The following SERINC3 variants were observed in gnomAD, a reference collection of about 807,000 sequenced individuals.
SERINC3 encodes the protein tumor differentially expressed protein 1.
A neutral mutation model predicts 52.1 loss-of-function variants in SERINC3; 22 were observed. The observed-to-expected ratio is 0.42, with a 90% CI of 0.30 to 0.60. The LOEUF is 0.60. SERINC3 is among the 20% of genes least tolerant of loss of function. The pLI is 0.16. For synonymous variants in SERINC3, 226 were observed against 212.7 expected (o/e 1.06, Z -0.54); for missense variants, 564 against 584.6 (o/e 0.96, Z 0.36).
At chr20:44,520,675 C>T (rs969789024) in intron 1 of SERINC3, among the ~76,000 whole-genome samples, 2 of 152,056 alleles carry the variant, frequency 1.3e-5, no homozygotes, top group Non-Finnish European at 2.9e-5. Context: ...GTTTGGGCAA[C>T]GGAATCATTA....
chr20:44,511,126 T>C (rs962781013), intron 4 of SERINC3, among the ~76,000 whole-genome samples, 163 bp downstream of exon 4: 1 of 151,972 alleles, frequency 6.6e-6, no homozygotes, highest in African/African-American at 2.4e-5. Context: ...ATTGGCCAGG[T>C]TGGTCTCAAA....
chr20:44,514,368 T>C (rs2064366959), intron 1 of SERINC3, among the ~76,000 whole-genome samples: 1 of 152,238 alleles, frequency 6.6e-6, no homozygotes. Context: ...GTTAATTATA[T>C]TCTGAGAGCA....
Position 44,512,853 on chromosome 20 carries a change from G to A in SERINC3, c.343C>T (p.Leu115Phe), listed in dbSNP as rs1344178939. ...MAIFFFVFSLLMFKVKTSKDL... is the reference protein window; with the variant it reads ...MAIFFFVFSLFMFKVKTSKDL... ...TTACTTGTTTTTACTTTGAACATGAGCAGAGAAAAGACAAAGAAAAAGATG... is the reference window on the plus strand; with the variant it reads ...TTACTTGTTTTTACTTTGAACATGAACAGAGAAAAGACAAAGAAAAAGATG... The change falls in exon 3 of 10, where the codon CTC becomes TTC. Residue 115 changes from leucine to phenylalanine, a missense_variant. Physicochemically the swap from Leu to Phe is conservative, Grantham distance 22. Coordinates refer to ENST00000342374, the MANE Select transcript of SERINC3 (RefSeq NM_006811.4). 5 of 1,577,634 alleles carry A rather than the reference G, an allele frequency of 3.2e-6. No homozygotes were observed. Among genetic ancestry groups the A allele is most frequent in the Non-Finnish European group, 4.3e-6 (5 of 1,168,264 alleles).
intron 8 of SERINC3, among the ~76,000 whole-genome samples, chr20:44,503,450 C>T (rs1216783803): frequency 6.6e-6 from 1 of 152,224 alleles, no homozygotes; most frequent in Non-Finnish European, 1.5e-5. Context: ...GAGTTCGAGA[C>T]CAGCCTAGCC....
chr20:44,506,383 A>T (rs1344310891), intron 6 of SERINC3, among the ~76,000 whole-genome samples: 1 of 151,502 alleles, frequency 6.6e-6, no homozygotes, highest in East Asian at 1.9e-4. Context: ...CACGAGGTCA[A>T]GAGTTCAGCC....
At chr20:44,507,274 A>G (rs1245643759) in intron 5 of SERINC3, among the ~76,000 whole-genome samples, 3 of 152,216 alleles carry the variant, frequency 2.0e-5, no homozygotes, top group East Asian at 3.8e-4. Flanking sequence ...TTCCAGCTAG[A>G]GTTTACTGCT....
At position 44,519,705 on chromosome 20, in the gene SERINC3, G is replaced by C. The variant is rs138216563; in HGVS notation, c.39+2208C>G. Among the ~76,000 whole-genome samples, 416 of 151,996 alleles carry C rather than the reference G, an allele frequency of 2.7e-3. 3 individuals carry two copies. Among genetic ancestry groups the C allele is most frequent in the African/African-American group, 9.5e-3 (392 of 41,448 alleles). On this transcript the variant is annotated intron_variant, in intron 1 of 9. Coordinates refer to ENST00000342374, the MANE Select transcript of SERINC3 (RefSeq NM_006811.4). ...GAAGGCTGAGGTGGGAGGATCACTT[G>C]AATCCAGGAGTTCAAGGCTGCAGTG...
At chr20:44,520,626 T>C (rs569995372) in intron 1 of SERINC3, among the ~76,000 whole-genome samples, 116 of 152,228 alleles carry the variant, frequency 7.6e-4, no homozygotes, top group Non-Finnish European at 1.3e-3. Flanking sequence ...GGTGGGGGGA[T>C]AGGGGTTGAA....
At position 44,512,088 on chromosome 20, in the gene SERINC3, G is replaced by A. The variant is rs1234979030; in HGVS notation, c.395+713C>T. 5.9e-5 allele frequency among the ~76,000 whole-genome samples: 9 copies of A among 152,244 alleles called. No homozygotes were observed. In the South Asian group the frequency reaches 8.3e-4, roughly 14 times the overall value. ...AGCACTTCAGGAGGCAAAGGCGGGC[G>A]GACCACCTGAGGTCACGAGTTCTAG... is the stretch of plus-strand genomic sequence containing the variant. On this transcript the variant is annotated intron_variant, in intron 3 of 9. Coordinates refer to ENST00000342374, the MANE Select transcript of SERINC3 (RefSeq NM_006811.4).
In SERINC3 at chr20:44,503,877, A is replaced by G; in HGVS notation, c.993T>C (p.Ser331=). 6.3e-7 allele frequency: 1 copy of G among 1,599,836 alleles called. No individual in the cohort carries two copies. Among genetic ancestry groups the G allele is most frequent in the Non-Finnish European group, 8.5e-7 (1 of 1,175,208 alleles). Residue 331 remains serine (S), a synonymous_variant, in exon 8 of 10, where the codon TCT becomes TCC. Transcript: ENST00000342374. ...CAATAAAATTATCTGAATCCAGTAA[A>G]GACCCACTCTTTGATGGTGGAGTAG... is the stretch of plus-strand genomic sequence containing the variant. ...PTPTPPSKSG[S]LLDSDNFIGL... is the part of the protein sequence containing the mutation.
At chr20:44,503,177 C>G (rs1379071883) in intron 8 of SERINC3, among the ~76,000 whole-genome samples, 2 of 152,166 alleles carry the variant, frequency 1.3e-5, no homozygotes, top group Non-Finnish European at 2.9e-5. Context: ...GATGACAATA[C>G]TCCCCAATTT....
intron 2 of SERINC3, 88 bp downstream of exon 2, chr20:44,513,791 T>C: frequency 3.3e-6 from 4 of 1,203,118 alleles, no homozygotes; most frequent in Non-Finnish European, 4.5e-6. Flanking sequence ...TACAACCAAC[T>C]TGATTAACAA....
At position 44,499,536 on chromosome 20, in the gene SERINC3, C is replaced by T. The variant is rs150793890; in HGVS notation, c.*760G>A. 38 of 152,430 alleles carry T rather than the reference C, an allele frequency of 2.5e-4. No homozygotes were observed. Among genetic ancestry groups the T allele is most frequent in the African/African-American group, 7.5e-4 (31 of 41,572 alleles). 9.4% of individuals were successfully genotyped at this position (152,430 alleles called of 1,614,324 possible). On this transcript the variant is annotated 3_prime_UTR_variant, in exon 10 of 10. Coordinates refer to ENST00000342374, the MANE Select transcript of SERINC3 (RefSeq NM_006811.4). Reference sequence around the variant, plus strand: ...TCATAGTGCAAATATGATAAATTCACATGCATTTTACTTTTACATACTCAT... The same window carrying T: ...TCATAGTGCAAATATGATAAATTCATATGCATTTTACTTTTACATACTCAT...
Position 44,513,866 on chromosome 20 carries a change from T to G in SERINC3, c.201+13A>C. 6.3e-7 allele frequency: 1 copy of G among 1,583,032 alleles called. No homozygotes were observed. Among genetic ancestry groups the G allele is most frequent in the Admixed American group, 1.8e-5 (1 of 54,916 alleles). On this transcript the variant is annotated intron_variant, in intron 2 of 9. Coordinates refer to ENST00000342374, the MANE Select transcript of SERINC3 (RefSeq NM_006811.4). Reference sequence around the variant, plus strand: ...AAAATAACCAATACCTTAAGGGCACTGTTACTTCTTACCTTCTTCAAGTAA... The same window carrying G: ...AAAATAACCAATACCTTAAGGGCACGGTTACTTCTTACCTTCTTCAAGTAA...
intron 3 of SERINC3, among the ~76,000 whole-genome samples, chr20:44,511,961 C>T (rs2064350236): frequency 6.6e-6 from 1 of 152,198 alleles, no homozygotes; most frequent in Non-Finnish European, 1.5e-5. Flanking sequence ...GTTACTACAT[C>T]TGTAAAAAGG....
chr20:44,500,506 C>A (rs2064273002), intron 9 of SERINC3, 72 bp from the exon 10 acceptor site: 2 of 1,521,006 alleles, frequency 1.3e-6, no homozygotes, highest in Non-Finnish European at 1.8e-6. Flanking sequence ...TGCAGCCCCC[C>A]AGCCAAGGCC....
In SERINC3 at chr20:44,509,911, T is replaced by C. The variant is rs2064336768; in HGVS notation, c.593A>G (p.Asn198Ser). 1 of 1,614,018 alleles carries C rather than the reference T, an allele frequency of 6.2e-7. No homozygotes were observed. Among genetic ancestry groups the C allele is most frequent in the South Asian group, 1.1e-5 (1 of 91,086 alleles). ...ESWVNRMEEGNPRLWYAALLS... is the reference protein window; with the variant it reads ...ESWVNRMEEGSPRLWYAALLS... ...CCTACCAGCATACCACAACCTTGGGTTTCCTTCTTCCATTCGATTTACCCA... is the reference window on the plus strand; with the variant it reads ...CCTACCAGCATACCACAACCTTGGGCTTCCTTCTTCCATTCGATTTACCCA... The change falls in exon 5 of 10, where the codon AAC becomes AGC. Residue 198 changes from asparagine (N) to serine (S), a missense_variant. Coordinates refer to ENST00000342374, the MANE Select transcript of SERINC3 (RefSeq NM_006811.4).
chr20:44,498,781 CAGCCACCCTCAACATAAGGTCCAAACT>C lies in SERINC3; in HGVS notation c.*1488_*1514del, dbSNP rs2064262836. 1 of 152,096 alleles carries C rather than the reference CAGCCACCCTCAACATAAGGTCCAAACT, an allele frequency of 6.6e-6. No homozygotes were observed. The highest frequency in any genetic ancestry group is 2.4e-5 in the African/African-American group (1 of 41,390). 9.4% of individuals were successfully genotyped at this position (152,096 alleles called of 1,614,324 possible). ...GTTCATGACACTATGAATATGTTTT[CAGCCACCCTCAACATAAGGTCCAAACT>C]CTTTACTGAGGTTGATAAAGCCCTT... On this transcript the variant is annotated 3_prime_UTR_variant, in exon 10 of 10. Transcript: ENST00000342374.
At chr20:44,520,150 T>C (rs1361756246) in intron 1 of SERINC3, among the ~76,000 whole-genome samples, 2 of 152,198 alleles carry the variant, frequency 1.3e-5, no homozygotes, top group South Asian at 2.1e-4. Context: ...TGGCTGGGCA[T>C]GGTGGCTCAC....
Sources: allele counts gnomAD v4.1 joint callset (sites outside exome capture counted in the v4.1 genomes callset), GRCh38; gene constraint gnomAD v4.1.1; transcripts MANE v1.5; gene names NCBI Gene and HGNC (gene_info 2026-07-23, HGNC 2026-07-21).